Variants in COL23A1 observed in about 807,000 individuals in gnomAD.
COL23A1 encodes the protein collagen type XXIII alpha 1 chain.
In COL23A1, 97 loss-of-function variants were observed where a neutral mutation model predicts 99.3. That is an observed-to-expected ratio of 0.98 (90% CI 0.83 to 1.16). The LOEUF (loss-of-function observed/expected upper bound fraction) is 1.16. Ranked by LOEUF, COL23A1 falls within the 50% of genes most tolerant of loss-of-function variation. The pLI, the probability that COL23A1 is intolerant of heterozygous loss-of-function variation, is 0.00. For synonymous variants in COL23A1, 320 were observed against 308.2 expected, an observed-to-expected ratio of 1.04 and a Z score of -0.40; for missense variants, 762 against 757.4, an observed-to-expected ratio of 1.01 and a Z score of -0.07.
chr5:178,247,952 T>G, intron 20 of COL23A1, 121 bp from the exon 21 acceptor site: 1 of 921,572 alleles, frequency 1.1e-6, no homozygotes, highest in African/African-American at 1.7e-5. Flanking sequence ...GGGCAGAGTC[T>G]GGTGAGCAGG....
intron 2 of COL23A1, among the ~76,000 whole-genome samples, chr5:178,334,736 C>T (rs1412618872): frequency 1.3e-5 from 2 of 152,210 alleles, no homozygotes; most frequent in Non-Finnish European, 2.9e-5. Context: ...TGACACGAAC[C>T]AAGGGACTGG....
chr5:178,262,094 G>A (rs1254699230), intron 10 of COL23A1, 123 bp downstream of exon 10: 4 of 987,946 alleles, frequency 4.0e-6, no homozygotes, highest in African/African-American at 6.5e-5. Flanking sequence ...ACATGCAGAG[G>A]CGCGCGCACA....
chr5:178,557,480 G>A (rs1262369117), intron 2 of COL23A1, among the ~76,000 whole-genome samples: 4 of 152,128 alleles, frequency 2.6e-5, no homozygotes, highest in Admixed American at 1.3e-4. Context: ...TCCTGCCAGC[G>A]ATATCCACTG....
intron 2 of COL23A1, among the ~76,000 whole-genome samples, chr5:178,364,456 G>GT (rs1762353763): frequency 6.6e-6 from 1 of 151,998 alleles, no homozygotes; most frequent in African/African-American, 2.4e-5. Flanking sequence ...CCACAGGTGG[G>GT]GCCCGCCTGT....
chr5:178,520,705 A>C (rs1461141675), intron 2 of COL23A1, among the ~76,000 whole-genome samples: 2 of 152,150 alleles, frequency 1.3e-5, no homozygotes, highest in Non-Finnish European at 2.9e-5. Context: ...AAGTGTTTCC[A>C]TCTGTAAAAT....
At chr5:178,333,180 A>ACTCCTGAC (rs1485430338) in intron 2 of COL23A1, among the ~76,000 whole-genome samples, 1 of 150,202 alleles carries the variant, frequency 6.7e-6, no homozygotes, top group African/African-American at 2.5e-5. Flanking sequence ...CTGGGCTTGA[A>ACTCCTGAC]CTCCTGACCT....
intron 2 of COL23A1, among the ~76,000 whole-genome samples, chr5:178,404,635 A>T (rs978881580): frequency 2.1e-5 from 3 of 143,070 alleles, no homozygotes; most frequent in African/African-American, 8.3e-5. Context: ...CCACTCAATA[A>T]ATCTATGCTG....
intron 2 of COL23A1, among the ~76,000 whole-genome samples, chr5:178,368,372 C>T (rs1762606317): frequency 3.3e-5 from 5 of 152,142 alleles, no homozygotes; most frequent in African/African-American, 1.2e-4. Flanking sequence ...CCCACAAACG[C>T]ACAGCCTCCC....
At chr5:178,497,976 C>G (rs1213396644) in intron 2 of COL23A1, among the ~76,000 whole-genome samples, 2 of 151,530 alleles carry the variant, frequency 1.3e-5, no homozygotes, top group Admixed American at 1.3e-4. Flanking sequence ...ATTCACAACT[C>G]TAGGAAGCAA....
At chr5:178,453,450 G>T (rs1209224905) in intron 2 of COL23A1, among the ~76,000 whole-genome samples, 2 of 152,212 alleles carry the variant, frequency 1.3e-5, no homozygotes, top group East Asian at 1.9e-4. Flanking sequence ...TGGTGCTGTT[G>T]TAAGGGCTGG....
Position 178,247,833 on chromosome 5 carries a change from T to A in COL23A1, c.1213-2A>T, listed in dbSNP as rs774878359. Reference sequence around the variant, plus strand: ...CCCTGGCTCCACTATGAGCTGAGCCTAGGGAGGGTGAGAGACAGGTTAGTC... The same window carrying A: ...CCCTGGCTCCACTATGAGCTGAGCCAAGGGAGGGTGAGAGACAGGTTAGTC... On this transcript the variant is annotated splice_acceptor_variant, in intron 20 of 28. Coordinates refer to ENST00000390654, the MANE Select transcript of COL23A1 (RefSeq NM_173465.4). LOFTEE classifies it high-confidence loss of function. The A allele has an allele frequency of 6.2e-7, 1 of 1,611,544 alleles. No homozygotes were observed. The highest frequency in any genetic ancestry group is 1.1e-5 in the South Asian group (1 of 90,690).
In COL23A1 at chr5:178,414,999, C is replaced by A. The variant is rs543656044; in HGVS notation, c.362-108080G>T. ...GGTGAAAGGAGAGCCAGAAATGGCACCCAAAATGCAGCTGCTGCTGACCTG... is the reference window on the plus strand; with the variant it reads ...GGTGAAAGGAGAGCCAGAAATGGCAACCAAAATGCAGCTGCTGCTGACCTG... On this transcript the variant is annotated intron_variant, in intron 2 of 28. Transcript: ENST00000390654. Among the ~76,000 whole-genome samples the A allele has an allele frequency of 2.6e-5, 4 of 152,162 alleles. No individual in the cohort carries two copies. In the South Asian group the frequency reaches 8.3e-4, roughly 31 times the overall value.
intron 2 of COL23A1, among the ~76,000 whole-genome samples, chr5:178,529,776 C>A (rs564514476): frequency 1.3e-5 from 2 of 152,216 alleles, no homozygotes; most frequent in South Asian, 4.1e-4. Context: ...AGACCTCAGG[C>A]CTGATTTAAA....
At position 178,387,766 on chromosome 5, in the gene COL23A1, TG is replaced by T. The variant is rs1167611892; in HGVS notation, c.362-80848del. 6.6e-6 allele frequency among the ~76,000 whole-genome samples: 1 copy of T among 152,126 alleles called. No homozygotes were observed. Among genetic ancestry groups the T allele is most frequent in the East Asian group, 1.9e-4 (1 of 5,182 alleles). On this transcript the variant is annotated intron_variant, in intron 2 of 28. Coordinates refer to ENST00000390654, the MANE Select transcript of COL23A1 (RefSeq NM_173465.4). This position sits in a 1 kb window ranked among gnomAD's most constrained non-coding sequence, Gnocchi z 4.7. ...GTCTGAGTTCTCCCTACAGACAGTG[TG>T]GGCCATTTTCCCCCGCGCTGTGCTT...
rs375550288 is a variant in COL23A1, at chr5:178,536,322, C to T, written c.361+24360G>A. ...CCTGACAGACCAGGGGATGGACCGGCGTGGAAAGCCCCAGTGGGGCTTAGA... is the reference window on the plus strand; with the variant it reads ...CCTGACAGACCAGGGGATGGACCGGTGTGGAAAGCCCCAGTGGGGCTTAGA... On this transcript the variant is annotated intron_variant, in intron 2 of 28. Transcript: ENST00000390654. Among the ~76,000 whole-genome samples, 63 of 152,358 alleles carry T rather than the reference C, an allele frequency of 4.1e-4. 1 individual carries two copies. In the South Asian group the frequency reaches 0.011, roughly 28 times the overall value.
chr5:178,526,525 G>C (rs781627962), intron 2 of COL23A1, among the ~76,000 whole-genome samples: 3 of 152,186 alleles, frequency 2.0e-5, no homozygotes, highest in Non-Finnish European at 4.4e-5. Flanking sequence ...GGCATCTGCG[G>C]CTCCTGAAAC....
At chr5:178,317,182 C>A (rs1269211708) in intron 2 of COL23A1, among the ~76,000 whole-genome samples, 2 of 152,216 alleles carry the variant, frequency 1.3e-5, no homozygotes, top group African/African-American at 4.8e-5. Context: ...GCTTCCCCAC[C>A]TGTCTTTCTA....
intron 2 of COL23A1, among the ~76,000 whole-genome samples, chr5:178,438,451 C>T (rs941424851): frequency 6.6e-6 from 1 of 152,232 alleles, no homozygotes; most frequent in South Asian, 2.1e-4. Context: ...TGAAATAAAC[C>T]GCTTTACCTG....
intron 3 of COL23A1, among the ~76,000 whole-genome samples, chr5:178,293,984 G>C (rs985064297): frequency 6.6e-6 from 1 of 152,064 alleles, no homozygotes; most frequent in African/African-American, 2.4e-5. Context: ...TCACCCAGAA[G>C]TACTGTGGGA....
Sources: gnomAD v4.1 joint callset for allele counts (sites outside exome capture counted in the v4.1 genomes callset) on GRCh38, gnomAD v4.1.1 for gene constraint, Gnocchi (gnomAD v3.1) non-coding constraint, MANE v1.5 for transcripts, NCBI Gene and HGNC (gene_info 2026-07-23, HGNC 2026-07-21) for gene names.